The following PLA2G4E variants were observed in gnomAD, a reference collection of about 807,000 sequenced individuals.
PLA2G4E encodes phospholipase A2 group IVE, also known as cytosolic phospholipase A2 epsilon.
A neutral mutation model predicts 109.1 loss-of-function variants in PLA2G4E; 84 were observed. The observed-to-expected ratio is 0.77, with a 90% CI of 0.65 to 0.92. The LOEUF is 0.92. Ranked by LOEUF, PLA2G4E falls within the 40% of genes least tolerant of loss-of-function variation. PLA2G4E has a pLI of 0.00. For missense variants in PLA2G4E, 1,057 were observed against 1,076.6 expected (o/e 0.98, Z 0.25); for synonymous variants, 469 against 436.1 (o/e 1.08, Z -0.94).
At position 42,000,291 on chromosome 15, in the gene PLA2G4E, G is replaced by C. The variant is rs571765739; in HGVS notation, c.674-9C>G. The stretch of plus-strand genomic sequence containing the variant: ...CACCAGGAGGTCCTTCACTGGGAGA[G>C]AGGACAAGAGGGTGAGACCCTGGGA... On this transcript the variant is annotated splice_polypyrimidine_tract_variant and intron_variant, in intron 7 of 19. Transcript: ENST00000399518. 6.4e-7 allele frequency: 1 copy of C among 1,557,478 alleles called. No individual in the cohort carries two copies. The highest frequency in any genetic ancestry group is 1.9e-5 in the Admixed American group (1 of 51,842).
intron 15 of PLA2G4E, 56 bp downstream of exon 15, chr15:41,989,359 G>T: frequency 6.2e-7 from 1 of 1,604,130 alleles, no homozygotes; most frequent in Non-Finnish European, 8.5e-7. Context: ...CCAACCCAGG[G>T]TGGCCCAGCA....
chr15:42,024,186 G>A (rs1328211139), intron 1 of PLA2G4E, among the ~76,000 whole-genome samples: 1 of 152,242 alleles, frequency 6.6e-6, no homozygotes, highest in East Asian at 1.9e-4. Flanking sequence ...GGGACAGTGA[G>A]TAAGGAGTGT....
At chr15:42,031,820 G>C (rs186292255) in intron 1 of PLA2G4E, among the ~76,000 whole-genome samples, 43 of 152,280 alleles carry the variant, frequency 2.8e-4, no homozygotes, top group Admixed American at 8.5e-4. Flanking sequence ...GTTTCTCCTA[G>C]TTCCACTGTC....
At chr15:41,986,630 A>G (rs1158229522) in intron 17 of PLA2G4E, among the ~76,000 whole-genome samples, 2 of 151,486 alleles carry the variant, frequency 1.3e-5, no homozygotes, top group Non-Finnish European at 2.9e-5. Flanking sequence ...TGATCCTTCT[A>G]TCTCAGCCCC....
chr15:41,983,621 G>T, exon 20 of PLA2G4E: 1 of 784,344 alleles, frequency 1.3e-6, no homozygotes. Flanking sequence ...CTTTTCGTTA[G>T]AAAGCCCAGG....
At chr15:42,011,774 T>G (rs1208723347) in intron 2 of PLA2G4E, among the ~76,000 whole-genome samples, 3 of 152,012 alleles carry the variant, frequency 2.0e-5, no homozygotes, top group Non-Finnish European at 2.9e-5. Flanking sequence ...CAGAAGGGGT[T>G]GGAGGAAGGT....
chr15:42,001,053 C>T (rs977517060), intron 7 of PLA2G4E, 104 bp downstream of exon 7: 1 of 1,243,742 alleles, frequency 8.0e-7, no homozygotes, highest in African/African-American at 1.5e-5. Context: ...TTTTGGTCCC[C>T]CTGAGCCCAG....
chr15:41,989,576 G>A (rs775375999), intron 14 of PLA2G4E, 24 bp from the exon 15 acceptor site: 2 of 1,606,988 alleles, frequency 1.2e-6, no homozygotes, highest in Non-Finnish European at 1.7e-6. Flanking sequence ...AGCAGGACGG[G>A]GGTCAGTCTC....
At chr15:42,020,649 C>G (rs1170527273) in intron 1 of PLA2G4E, among the ~76,000 whole-genome samples, 1 of 152,208 alleles carries the variant, frequency 6.6e-6, no homozygotes, top group Non-Finnish European at 1.5e-5. Flanking sequence ...GGGTGCTAGC[C>G]TGGCCCCAGG....
At chr15:42,019,715 C>T (rs1808764592) in intron 1 of PLA2G4E, among the ~76,000 whole-genome samples, 1 of 152,224 alleles carries the variant, frequency 6.6e-6, no homozygotes, top group Non-Finnish European at 1.5e-5. Context: ...GTCCCAGCCA[C>T]TCTGAGCAAC....
chr15:42,043,891 G>A (rs1304136406), intron 1 of PLA2G4E, among the ~76,000 whole-genome samples: 1 of 152,124 alleles, frequency 6.6e-6, no homozygotes, highest in Non-Finnish European at 1.5e-5. Context: ...CACAGAATCT[G>A]GCATGTCATA....
At chr15:41,989,387 G>T in intron 15 of PLA2G4E, 28 bp downstream of exon 15, 1 of 1,613,364 alleles carries the variant, frequency 6.2e-7, no homozygotes, top group South Asian at 1.1e-5. Flanking sequence ...GCAGCCCCCT[G>T]TCATTCCGCC....
rs745521251 is a variant in PLA2G4E at position 42,010,138 on chromosome 15, C to CCCT, written c.257-2274_257-2273insAGG. On this transcript the variant is annotated intron_variant, in intron 2 of 19. Transcript: ENST00000399518. ...TGGCTTTTCCAGAACACTGGCCCCCCCACCCCGGGCCTGGACCACACCCTT... is the reference window on the plus strand; with the variant it reads ...TGGCTTTTCCAGAACACTGGCCCCCCCCTCACCCCGGGCCTGGACCACACCCTT... 1,110 of 477,164 alleles carry CCCT rather than the reference C, an allele frequency of 2.3e-3. 61 individuals carry two copies. Among genetic ancestry groups the CCCT allele is most frequent in the Non-Finnish European group, 8.4e-4 (200 of 238,608 alleles). 29.6% of individuals were successfully genotyped at this position (477,164 alleles called of 1,614,324 possible).
chr15:42,033,334 C>T (rs1474750353), intron 1 of PLA2G4E, among the ~76,000 whole-genome samples: 1 of 152,130 alleles, frequency 6.6e-6, no homozygotes, highest in Non-Finnish European at 1.5e-5. Flanking sequence ...AGTCTTGTAG[C>T]CAGTAAAGGC....
At position 42,004,982 on chromosome 15, in the gene PLA2G4E, G is replaced by A; in HGVS notation, c.526-4C>T. 6.2e-7 allele frequency: 1 copy of A among 1,612,966 alleles called. No individual in the cohort carries two copies. Among genetic ancestry groups the A allele is most frequent in the South Asian group, 1.1e-5 (1 of 90,600 alleles). On this transcript the variant is annotated splice_region_variant and splice_polypyrimidine_tract_variant and intron_variant, in intron 4 of 19. Coordinates refer to ENST00000399518, the Ensembl canonical transcript of PLA2G4E. The stretch of plus-strand genomic sequence containing the variant: ...CCACCTCCAGCTCTTCCATGCCCTG[G>A]TAGGGGAGGGAGGGAAGGCAGCTGT...
chr15:42,018,074 C>T (rs2068613461), intron 1 of PLA2G4E, among the ~76,000 whole-genome samples: 1 of 152,216 alleles, frequency 6.6e-6, no homozygotes, highest in African/African-American at 2.4e-5. Flanking sequence ...GAATATGGGA[C>T]TTAGCTCTGG....
chr15:42,024,768 C>T (rs756860149), intron 1 of PLA2G4E, among the ~76,000 whole-genome samples: 7 of 152,192 alleles, frequency 4.6e-5, no homozygotes, highest in East Asian at 1.9e-4. Flanking sequence ...AAGCACCTAA[C>T]GCTTTTCCAG....
chr15:42,032,067 T>C (rs1023981537), intron 1 of PLA2G4E, among the ~76,000 whole-genome samples: 1 of 152,098 alleles, frequency 6.6e-6, no homozygotes, highest in African/African-American at 2.4e-5. Flanking sequence ...TCCCAACACC[T>C]CCTTGCTTCC....
intron 6 of PLA2G4E, among the ~76,000 whole-genome samples, chr15:42,002,144 T>G (rs2068426451): frequency 1.3e-5 from 2 of 150,528 alleles, no homozygotes; most frequent in South Asian, 4.2e-4. Flanking sequence ...ACCCCGTCTC[T>G]ACAAAATACA....
Sources: allele counts gnomAD v4.1 joint callset (sites outside exome capture counted in the v4.1 genomes callset), GRCh38; gene constraint gnomAD v4.1.1; transcripts MANE v1.5; gene names NCBI Gene and HGNC (gene_info 2026-07-23, HGNC 2026-07-21).